Variants in PXK observed in about 807,000 individuals in gnomAD.
The protein encoded by PXK is PX domain containing serine/threonine kinase like, also known as PX domain-containing protein kinase-like protein.
In PXK, 35 loss-of-function variants were observed where a neutral mutation model predicts 84.7. The observed-to-expected ratio is 0.41, with a 90% CI of 0.32 to 0.55. The LOEUF (loss-of-function observed/expected upper bound fraction) is 0.55. Ranked by LOEUF, PXK falls within the 20% of genes least tolerant of loss-of-function variation. The pLI, the probability that PXK is intolerant of heterozygous loss-of-function variation, is 0.21. For synonymous variants in PXK, 253 were observed against 260.8 expected (o/e 0.97, Z 0.29); for missense variants, 634 against 699.7 (o/e 0.91, Z 1.06).
chr3:58,384,320 G>C (rs549640423), intron 4 of PXK, among the ~76,000 whole-genome samples: 2 of 152,312 alleles, frequency 1.3e-5, no homozygotes, highest in East Asian at 3.9e-4. Flanking sequence ...GAAGCCTCAC[G>C]CTAGGATGTA....
chr3:58,359,727 A>T (rs1256156601), intron 1 of PXK, among the ~76,000 whole-genome samples: 1 of 152,116 alleles, frequency 6.6e-6, no homozygotes, highest in Non-Finnish European at 1.5e-5. Flanking sequence ...TGTGTCAGTA[A>T]AACGAACCTA....
At chr3:58,410,853 C>T (rs1482729016) in intron 16 of PXK, among the ~76,000 whole-genome samples, 1 of 152,136 alleles carries the variant, frequency 6.6e-6, no homozygotes, top group East Asian at 1.9e-4. Context: ...CCTGAAGGGC[C>T]ACGGGAATGG....
At chr3:58,419,535 G>GA (rs2061501957) in intron 17 of PXK, among the ~76,000 whole-genome samples, 1 of 152,252 alleles carries the variant, frequency 6.6e-6, no homozygotes, top group African/African-American at 2.4e-5. Context: ...TTACAGGCGT[G>GA]AGCCACCACA....
At chr3:58,378,591 G>C (rs1398115975) in intron 3 of PXK, among the ~76,000 whole-genome samples, 1 of 144,216 alleles carries the variant, frequency 6.9e-6, no homozygotes, top group African/African-American at 2.6e-5. Context: ...CTGGAGTGCA[G>C]TGGTGGGATC....
chr3:58,334,357 C>T (rs2097549149), intron 1 of PXK, among the ~76,000 whole-genome samples: 2 of 152,140 alleles, frequency 1.3e-5, no homozygotes, highest in South Asian at 2.1e-4. Context: ...TGTGAGAAGG[C>T]ACATACAGGA....
At chr3:58,410,207 T>TC (rs1202167250) in intron 16 of PXK, 48 bp downstream of exon 16, 2 of 1,407,376 alleles carry the variant, frequency 1.4e-6, no homozygotes, top group Non-Finnish European at 2.0e-6. Context: ...GAGATCAGGA[T>TC]CAGGAGTCTC....
chr3:58,345,044 G>C (rs1003402028), intron 1 of PXK, among the ~76,000 whole-genome samples: 1 of 152,168 alleles, frequency 6.6e-6, no homozygotes, highest in African/African-American at 2.4e-5. Context: ...AGTCTTCTGC[G>C]TGCCAGGCAC....
At chr3:58,368,372 G>A (rs996347224) in intron 2 of PXK, among the ~76,000 whole-genome samples, 7 of 152,138 alleles carry the variant, frequency 4.6e-5, no homozygotes, top group African/African-American at 1.7e-4. Flanking sequence ...GCCCGGGCTG[G>A]AATGCAGTGG....
chr3:58,335,446 C>G (rs1213940906), intron 1 of PXK, among the ~76,000 whole-genome samples: 1 of 152,074 alleles, frequency 6.6e-6, no homozygotes, highest in Admixed American at 6.5e-5. Context: ...CTGTTAGTGT[C>G]TTATGAGTAA....
chr3:58,424,482 T>C (rs999752630), intron 17 of PXK, among the ~76,000 whole-genome samples: 7 of 152,234 alleles, frequency 4.6e-5, no homozygotes, highest in African/African-American at 1.7e-4. Flanking sequence ...GCAGAGAATG[T>C]CACCATATGT....
At chr3:58,358,212 A>G (rs527295767) in intron 1 of PXK, among the ~76,000 whole-genome samples, 63 of 152,318 alleles carry the variant, frequency 4.1e-4, no homozygotes, top group African/African-American at 1.5e-3. Flanking sequence ...ATTGACTACA[A>G]TCACCATGGT....
chr3:58,397,920 T>C lies in PXK; in HGVS notation c.1102+198T>C, dbSNP rs2057963355. 6.6e-6 allele frequency among the ~76,000 whole-genome samples: 1 copy of C among 152,242 alleles called. No individual in the cohort carries two copies. Among genetic ancestry groups the C allele is most frequent in the Non-Finnish European group, 1.5e-5 (1 of 68,042 alleles). The stretch of plus-strand genomic sequence containing the variant: ...TGAAAATTCAGGTGGCTTGTCCATT[T>C]GCCAGGCTATCTGAAATTTCTGGGA... On this transcript the variant is annotated intron_variant, in intron 11 of 17. Transcript: ENST00000356151. This position sits in a 1 kb window ranked among gnomAD's most constrained non-coding sequence, Gnocchi z 4.7.
At chr3:58,339,140 T>C (rs569005820) in intron 1 of PXK, among the ~76,000 whole-genome samples, 83 of 152,220 alleles carry the variant, frequency 5.5e-4, no homozygotes, top group Admixed American at 9.2e-4. Flanking sequence ...TACTGGTAAT[T>C]AGTTCATTTA....
At chr3:58,371,312 A>G (rs886896893) in intron 3 of PXK, among the ~76,000 whole-genome samples, 1 of 152,248 alleles carries the variant, frequency 6.6e-6, no homozygotes, top group African/African-American at 2.4e-5. Context: ...AGCTGGGCCT[A>G]TGATGACATT....
At chr3:58,351,207 A>T (rs1430673632) in intron 1 of PXK, among the ~76,000 whole-genome samples, 3 of 151,962 alleles carry the variant, frequency 2.0e-5, no homozygotes, top group African/African-American at 7.2e-5. Flanking sequence ...TTCCTTATTT[A>T]ATTTATTTTA....
At chr3:58,365,140 A>G (rs1429930635) in intron 1 of PXK, among the ~76,000 whole-genome samples, 1 of 151,930 alleles carries the variant, frequency 6.6e-6, no homozygotes, top group African/African-American at 2.4e-5. Flanking sequence ...TTCTAATATA[A>G]GCATTTAGTG....
intron 17 of PXK, 78 bp downstream of exon 17, chr3:58,413,041 G>A: frequency 6.7e-7 from 1 of 1,492,796 alleles, no homozygotes; most frequent in South Asian, 1.1e-5. Context: ...TCCTGCCTTG[G>A]CCCAACAATT....
intron 3 of PXK, among the ~76,000 whole-genome samples, chr3:58,371,788 T>C (rs2098375921): frequency 6.6e-6 from 1 of 152,252 alleles, no homozygotes; most frequent in Admixed American, 6.5e-5. Flanking sequence ...TCCCCATGTA[T>C]TGATGTTGGC....
chr3:58,366,267 G>C (rs1210741427), intron 2 of PXK, among the ~76,000 whole-genome samples: 1 of 152,132 alleles, frequency 6.6e-6, no homozygotes, highest in Non-Finnish European at 1.5e-5. Context: ...CAGTCTACCA[G>C]GTAGAAAGGT....
Sources: allele counts gnomAD v4.1 joint callset (sites outside exome capture counted in the v4.1 genomes callset), GRCh38; gene constraint gnomAD v4.1.1; non-coding constraint Gnocchi (gnomAD v3.1); transcripts MANE v1.5; gene names NCBI Gene and HGNC (gene_info 2026-07-23, HGNC 2026-07-21).